RNASET2: variants seen among roughly 807,000 people sequenced by gnomAD.
RNASET2 encodes the protein ribonuclease T2, also known as ribonuclease 6.
A neutral mutation model predicts 33.9 loss-of-function variants in RNASET2; 28 were observed. The ratio of observed to expected loss-of-function variants is 0.83; its 90% CI spans 0.61 to 1.13. RNASET2 has a LOEUF of 1.13. Among genes scored for constraint, RNASET2 ranks in the 50% most tolerant of loss-of-function variants. RNASET2 has a pLI of 0.00. For synonymous variants in RNASET2, 123 were observed against 121.0 expected (o/e 1.02, Z -0.11); for missense variants, 330 against 319.9 (o/e 1.03, Z -0.24).
chr6:166,931,139 AT>A, intron 7 of RNASET2, 21 bp from the exon 8 acceptor site: 2 of 1,516,166 alleles, frequency 1.3e-6, no homozygotes, highest in Non-Finnish European at 1.8e-6. Flanking sequence ...ATACAAGTGT[AT>A]TAGAAATTAA....
At chr6:166,947,883 C>T (rs899940085) in intron 3 of RNASET2, among the ~76,000 whole-genome samples, 5 of 152,084 alleles carry the variant, frequency 3.3e-5, no homozygotes, top group African/African-American at 4.8e-5. Context: ...CTGAACAAAA[C>T]GCAGACAAAA....
intron 2 of RNASET2, among the ~76,000 whole-genome samples, chr6:166,951,403 T>A (rs1562504239): frequency 6.6e-6 from 1 of 151,968 alleles, no homozygotes. Context: ...CCACAAGAGG[T>A]ATGGTGAAGC....
chr6:166,950,774 C>T (rs560624182), intron 2 of RNASET2, among the ~76,000 whole-genome samples: 21 of 152,340 alleles, frequency 1.4e-4, no homozygotes, highest in African/African-American at 4.3e-4. Flanking sequence ...CCCGGAGGGC[C>T]GTGAGTGCCA....
chr6:166,948,141 G>T (rs749875581), intron 3 of RNASET2, among the ~76,000 whole-genome samples: 2 of 151,974 alleles, frequency 1.3e-5, no homozygotes, highest in Non-Finnish European at 2.9e-5. Flanking sequence ...AGGTCAGGAG[G>T]TCGAGACCAG....
In RNASET2 at chr6:166,929,264, A is replaced by G. The variant is rs2128643523; in HGVS notation, c.*324T>C. ...GCTCCGAGGGGAAAACTCGAGCAAG[A>G]GAGTCCCCTGAATCGGTGCCATCTG... is the stretch of plus-strand genomic sequence containing the variant. On this transcript the variant is annotated 3_prime_UTR_variant, in exon 9 of 9. Coordinates refer to ENST00000508775, the MANE Select transcript of RNASET2 (RefSeq NM_003730.6). Among the ~76,000 whole-genome samples the G allele has an allele frequency of 6.6e-6, 1 of 152,332 alleles. No individual in the cohort carries two copies. Among genetic ancestry groups the G allele is most frequent in the Middle Eastern group, 3.4e-3 (1 of 294 alleles).
At position 166,923,322 on chromosome 6, in the gene RNASET2, C is replaced by T. The variant is rs1282741662; in HGVS notation, c.*6266G>A. On this transcript the variant is annotated 3_prime_UTR_variant, in exon 9 of 9. Coordinates refer to ENST00000508775, the MANE Select transcript of RNASET2 (RefSeq NM_003730.6). ...CACTGCAGCCTCCACCTCCTGGGTT[C>T]AAGCCATCCTCTCACCTCAGCCTCC... 6.7e-6 allele frequency among the ~76,000 whole-genome samples: 1 copy of T among 149,076 alleles called. No homozygotes were observed. Among genetic ancestry groups the T allele is most frequent in the African/African-American group, 2.5e-5 (1 of 40,342 alleles).
chr6:166,947,773 G>A (rs184998998), intron 3 of RNASET2, among the ~76,000 whole-genome samples: 2 of 152,222 alleles, frequency 1.3e-5, no homozygotes, highest in South Asian at 2.1e-4. Flanking sequence ...TTTCAATCCC[G>A]GCATCGAGGC....
rs1170506619 is a variant in RNASET2 at position 166,924,502 on chromosome 6, T to C, written c.*5086A>G. ...TGCACTCATGGAGCACAGAAGCGAG[T>C]TGGACAAAGTCCGGGCCTTTGTAGT... On this transcript the variant is annotated 3_prime_UTR_variant, in exon 9 of 9. Transcript: ENST00000508775. 6.6e-6 allele frequency among the ~76,000 whole-genome samples: 1 copy of C among 152,236 alleles called. No individual in the cohort carries two copies. Among genetic ancestry groups the C allele is most frequent in the African/African-American group, 2.4e-5 (1 of 41,534 alleles).
At chr6:166,951,258 T>A (rs182305259) in intron 2 of RNASET2, among the ~76,000 whole-genome samples, 1 of 152,356 alleles carries the variant, frequency 6.6e-6, no homozygotes, top group Admixed American at 6.5e-5. Flanking sequence ...GCTACTGCTA[T>A]CTAGAAGGCA....
Position 166,934,139 on chromosome 6 carries a change from A to G in RNASET2, c.447-3T>C. The G allele has an allele frequency of 6.3e-7, 1 of 1,589,800 alleles. No homozygotes were observed. ...TTATCCCCAATTTTAGAAGCACACT[A>G]AAATTTAAATTTAAAAAAGTTAGCT... On this transcript the variant is annotated splice_region_variant and splice_polypyrimidine_tract_variant and intron_variant, in intron 6 of 8. Coordinates refer to ENST00000508775, the MANE Select transcript of RNASET2 (RefSeq NM_003730.6).
chr6:166,955,319 A>ACGCACG lies in RNASET2; in HGVS notation c.86+777_86+778insCGTGCG, dbSNP rs1250465359. Reference sequence around the variant, plus strand: ...AGACGCGCACACACGACACACACGCACACACACGCACGCACGCACACGCAC... The same window carrying ACGCACG: ...AGACGCGCACACACGACACACACGCACGCACGCACACACGCACGCACGCACACGCAC... On this transcript the variant is annotated intron_variant, in intron 1 of 8. Coordinates refer to ENST00000508775, the MANE Select transcript of RNASET2 (RefSeq NM_003730.6). Among the ~76,000 whole-genome samples, 16 of 64,552 alleles carry ACGCACG rather than the reference A, an allele frequency of 2.5e-4. 1 individual carries two copies. Among genetic ancestry groups the ACGCACG allele is most frequent in the Non-Finnish European group, 3.9e-4 (14 of 35,586 alleles). The allele number at this position is 64,552 out of a possible 152,430, so 42.3% of individuals were successfully genotyped here. A position where few individuals can be genotyped will look rare whatever the true frequency, so the allele number is the denominator to read the frequency against.
At chr6:166,945,540 G>C (rs1778813941) in intron 4 of RNASET2, 1 of 152,734 alleles carries the variant, frequency 6.5e-6, no homozygotes, top group South Asian at 2.1e-4. Flanking sequence ...ATATGGATTA[G>C]AACTTGTGGG....
rs140725407 is a variant in RNASET2 at position 166,943,321 on chromosome 6, G to A, written c.262-232C>T. 5.1e-5 allele frequency: 22 copies of A among 431,276 alleles called. No homozygotes were observed. In the Middle Eastern group the frequency reaches 2.9e-3, roughly 57 times the overall value. 26.7% of individuals were successfully genotyped at this position (431,276 alleles called of 1,614,324 possible). ...CACGAAAATACAAGCTGTTATAGGTGAAGGGATAAAGTGTACATCCAAACA... is the reference window on the plus strand; with the variant it reads ...CACGAAAATACAAGCTGTTATAGGTAAAGGGATAAAGTGTACATCCAAACA... On this transcript the variant is annotated intron_variant, in intron 4 of 8. Coordinates refer to ENST00000508775, the MANE Select transcript of RNASET2 (RefSeq NM_003730.6).
chr6:166,955,765 G>C, intron 1 of RNASET2: 1 of 1,234,386 alleles, frequency 8.1e-7, no homozygotes, highest in Non-Finnish European at 1.0e-6. Context: ...TCACCCCAGA[G>C]CGTGCCCAGG....
chr6:166,935,683 A>G (rs767285757), intron 6 of RNASET2, among the ~76,000 whole-genome samples: 1 of 152,092 alleles, frequency 6.6e-6, no homozygotes, highest in Non-Finnish European at 1.5e-5. Flanking sequence ...TTTTTATTCT[A>G]TTTTATTTTT....
At chr6:166,939,183 A>T (rs959802205) in intron 5 of RNASET2, among the ~76,000 whole-genome samples, 175 bp from the exon 6 acceptor site, 3 of 152,142 alleles carry the variant, frequency 2.0e-5, no homozygotes, top group Non-Finnish European at 4.4e-5. Flanking sequence ...AATACAAAAA[A>T]ATTAGCCGAG....
At chr6:166,938,728 A>T in intron 6 of RNASET2, 167 bp downstream of exon 6, 1 of 772,476 alleles carries the variant, frequency 1.3e-6, no homozygotes, top group East Asian at 2.4e-5. Context: ...AAGGCTTGGT[A>T]GGCTCAGAAC....
chr6:166,933,942 G>C lies in RNASET2; in HGVS notation c.492+149C>G. 1 of 734,494 alleles carries C rather than the reference G, an allele frequency of 1.4e-6. No individual in the cohort carries two copies. Among genetic ancestry groups the C allele is most frequent in the Admixed American group, 2.0e-5 (1 of 50,858 alleles). The allele number at this position is 734,494 out of a possible 1,614,324, so 45.5% of individuals were successfully genotyped here. A position where few individuals can be genotyped will look rare whatever the true frequency, so the allele number is the denominator to read the frequency against. On this transcript the variant is annotated intron_variant, in intron 7 of 8. Transcript: ENST00000508775. The surrounding 1 kb of genome is among the most constrained non-coding windows in gnomAD (Gnocchi z 4.1). ...CTCAACATGCGCAGGAAAATAAAAT[G>C]CAAATAAAATCTGTTCACATGATAA... is the stretch of plus-strand genomic sequence containing the variant.
chr6:166,951,618 C>G (rs1402607057), intron 2 of RNASET2, among the ~76,000 whole-genome samples: 1 of 152,218 alleles, frequency 6.6e-6, no homozygotes, highest in African/African-American at 2.4e-5. Flanking sequence ...TCACCGTGCC[C>G]CTTCAGCTCC....
Sources: gnomAD v4.1 joint callset for allele counts (sites outside exome capture counted in the v4.1 genomes callset) on GRCh38, gnomAD v4.1.1 for gene constraint, Gnocchi (gnomAD v3.1) non-coding constraint, MANE v1.5 for transcripts, NCBI Gene and HGNC (gene_info 2026-07-23, HGNC 2026-07-21) for gene names.